Variants in PJA2 observed in about 807,000 individuals in gnomAD.
PJA2 encodes the protein praja ring finger ubiquitin ligase 2, also known as E3 ubiquitin-protein ligase Praja-2.
A neutral mutation model predicts 69.3 loss-of-function variants in PJA2; 25 were observed. The ratio of observed to expected loss-of-function variants is 0.36; its 90% CI spans 0.26 to 0.50. The LOEUF (loss-of-function observed/expected upper bound fraction) is 0.50. Among genes scored for constraint, PJA2 ranks in the 20% least tolerant of loss-of-function variants. The pLI is 0.96. For missense variants in PJA2, 809 were observed against 830.2 expected (o/e 0.97, Z 0.31); for synonymous variants, 308 against 277.8 (o/e 1.11, Z -1.08).
chr5:109,385,558 T>C (rs530731843), intron 1 of PJA2, among the ~76,000 whole-genome samples: 86 of 152,270 alleles, frequency 5.6e-4, no homozygotes, highest in Admixed American at 9.8e-4. Context: ...GACATTCAAA[T>C]GGAAATATTA....
chr5:109,351,193 G>T (rs1248861327), intron 7 of PJA2, among the ~76,000 whole-genome samples: 2 of 150,022 alleles, frequency 1.3e-5, no homozygotes, highest in Non-Finnish European at 3.0e-5. Flanking sequence ...TATCTCAAAA[G>T]AATTCAGTGA....
rs1340047937 is a variant in PJA2, at chr5:109,403,113, C to T, written c.-88+6729G>A. ...CTCTGAAAAGATTAATAAAATAAAC[C>T]TAGAACCAAATAAAAATGAGAGGTC... On this transcript the variant is annotated intron_variant, in intron 1 of 9. Coordinates refer to ENST00000361189, the MANE Select transcript of PJA2 (RefSeq NM_014819.5). Among the ~76,000 whole-genome samples, 4 of 150,636 alleles carry T rather than the reference C, an allele frequency of 2.7e-5. 1 individual carries two copies. The East Asian group carries it at 7.8e-4, about 29-fold the overall frequency.
At chr5:109,365,828 C>T (rs1762577542) in intron 5 of PJA2, among the ~76,000 whole-genome samples, 2 of 152,232 alleles carry the variant, frequency 1.3e-5, no homozygotes, top group South Asian at 4.1e-4. Flanking sequence ...AGGAGTCACA[C>T]AGTTGTTTGT....
intron 9 of PJA2, among the ~76,000 whole-genome samples, chr5:109,342,528 G>GT (rs1247976444): frequency 8.1e-6 from 1 of 122,730 alleles, no homozygotes; most frequent in African/African-American, 3.3e-5. Context: ...GAGGTGGGGG[G>GT]GGTCAGCTCC....
chr5:109,375,071 C>G (rs1253369316), intron 4 of PJA2, among the ~76,000 whole-genome samples: 1 of 152,138 alleles, frequency 6.6e-6, no homozygotes, highest in Non-Finnish European at 1.5e-5. Context: ...CAATGTTTAT[C>G]CCACAGAGTG....
chr5:109,338,085 T>G (rs1390190321), intron 9 of PJA2, among the ~76,000 whole-genome samples: 2 of 152,160 alleles, frequency 1.3e-5, no homozygotes, highest in Non-Finnish European at 2.9e-5. Context: ...CTACGTTATC[T>G]GATAACAGAT....
intron 7 of PJA2, among the ~76,000 whole-genome samples, chr5:109,345,337 C>T (rs548460124): frequency 1.1e-3 from 157 of 144,432 alleles, no homozygotes; most frequent in African/African-American, 3.7e-3. Context: ...GCCTGAGCAA[C>T]AAGAACGAAA....
At chr5:109,356,178 G>A in intron 6 of PJA2, 152 bp from the exon 7 acceptor site, 2 of 577,046 alleles carry the variant, frequency 3.5e-6, no homozygotes, top group Non-Finnish European at 6.1e-6. Flanking sequence ...TGTAGGGTTA[G>A]GGGCAGGAGG....
chr5:109,379,921 C>T (rs1747000425), intron 3 of PJA2, among the ~76,000 whole-genome samples: 2 of 151,870 alleles, frequency 1.3e-5, no homozygotes, highest in Admixed American at 1.3e-4. Flanking sequence ...TGAGTAAAAT[C>T]ATATCTATAA....
chr5:109,339,545 G>A (rs1483985454), intron 9 of PJA2, among the ~76,000 whole-genome samples: 1 of 152,206 alleles, frequency 6.6e-6, no homozygotes, highest in Non-Finnish European at 1.5e-5. Flanking sequence ...TCTAATGTAT[G>A]GGAGTAGAAA....
chr5:109,363,131 G>A, intron 5 of PJA2, 109 bp from the exon 6 acceptor site: 11 of 892,930 alleles, frequency 1.2e-5, no homozygotes, highest in East Asian at 5.7e-5. Flanking sequence ...CTAAGCTCTT[G>A]GTACTTTTAT....
intron 7 of PJA2, among the ~76,000 whole-genome samples, chr5:109,354,007 ATAGAT>A (rs1018557994): frequency 1.4e-5 from 2 of 144,090 alleles, no homozygotes; most frequent in Non-Finnish European, 3.1e-5. Flanking sequence ...AGAGATATCT[ATAGAT>A]TAGATATCTA....
Position 109,364,182 on chromosome 5 carries a change from C to T in PJA2, c.1470-1160G>A, listed in dbSNP as rs867389486. The stretch of plus-strand genomic sequence containing the variant: ...AAAAAGGACTCATCAACAAAATGTA[C>T]TGGGACAACTGGGTATTCGCCCGCA... On this transcript the variant is annotated intron_variant, in intron 5 of 9. Coordinates refer to ENST00000361189, the MANE Select transcript of PJA2 (RefSeq NM_014819.5). 1.8e-4 allele frequency among the ~76,000 whole-genome samples: 28 copies of T among 152,098 alleles called. No individual in the cohort carries two copies. The Middle Eastern group carries it at 0.017, about 93-fold the overall frequency.
intron 1 of PJA2, among the ~76,000 whole-genome samples, chr5:109,400,602 C>G (rs952530274): frequency 3.3e-5 from 5 of 151,992 alleles, no homozygotes; most frequent in Non-Finnish European, 5.9e-5. Flanking sequence ...TCAGTGATTC[C>G]CCCCTACAAA....
intron 1 of PJA2, among the ~76,000 whole-genome samples, chr5:109,400,478 G>T (rs997061508): frequency 7.8e-6 from 1 of 128,642 alleles, no homozygotes; most frequent in Non-Finnish European, 1.7e-5. Context: ...GAGCAAACCA[G>T]CAGGGGGAGG....
At chr5:109,342,212 C>A (rs1762081292) in intron 9 of PJA2, among the ~76,000 whole-genome samples, 1 of 87,034 alleles carries the variant, frequency 1.1e-5, no homozygotes, top group East Asian at 2.7e-4. Context: ...GGGGTCAGCC[C>A]CCCCGCCCGG....
At chr5:109,388,007 T>C (rs1008035535) in intron 1 of PJA2, among the ~76,000 whole-genome samples, 7 of 152,204 alleles carry the variant, frequency 4.6e-5, no homozygotes, top group Non-Finnish European at 1.0e-4. Flanking sequence ...GATTCAAACT[T>C]CATTTAGGCA....
intron 7 of PJA2, among the ~76,000 whole-genome samples, chr5:109,347,982 G>A (rs1380825518): frequency 2.6e-5 from 4 of 152,186 alleles, no homozygotes; most frequent in Admixed American, 6.5e-5. Flanking sequence ...GCAAGAAAAG[G>A]ATTTGGGGGT....
chr5:109,338,674 A>G (rs1316862420), intron 9 of PJA2, among the ~76,000 whole-genome samples: 1 of 151,968 alleles, frequency 6.6e-6, no homozygotes, highest in Non-Finnish European at 1.5e-5. Flanking sequence ...TCATTTCAGC[A>G]AACATTTATT....
Sources: allele counts gnomAD v4.1 joint callset (sites outside exome capture counted in the v4.1 genomes callset), GRCh38; gene constraint gnomAD v4.1.1; transcripts MANE v1.5; gene names NCBI Gene and HGNC (gene_info 2026-07-23, HGNC 2026-07-21).